The following OPCML variants were observed in gnomAD, a reference collection of about 807,000 sequenced individuals.
OPCML encodes the protein opioid binding protein/cell adhesion molecule like.
OPCML carries 13 observed loss-of-function variants against 37.8 expected under a neutral mutation model. The ratio of observed to expected loss-of-function variants is 0.34; its 90% CI spans 0.22 to 0.55. The LOEUF (loss-of-function observed/expected upper bound fraction) is 0.55, where lower values mean the gene tolerates loss of function less well. OPCML is among the 20% of genes least tolerant of loss of function. The pLI, the probability that OPCML is intolerant of heterozygous loss-of-function variation, is 0.91. For missense variants in OPCML, 341 were observed against 435.6 expected (o/e 0.78, Z 1.93); for synonymous variants, 176 against 168.8 (o/e 1.04, Z -0.33).
chr11:132,898,732 T>C (rs1410945795), intron 2 of OPCML, among the ~76,000 whole-genome samples: 7 of 152,110 alleles, frequency 4.6e-5, no homozygotes, highest in African/African-American at 1.7e-4. Context: ...TTGCTTCCTT[T>C]TCCCATGATT....
At chr11:133,367,660 C>A (rs1342676482) in intron 1 of OPCML, among the ~76,000 whole-genome samples, 1 of 152,194 alleles carries the variant, frequency 6.6e-6, no homozygotes, top group African/African-American at 2.4e-5. Context: ...CTAATAATAG[C>A]TCAATTTAGT....
chr11:132,952,644 C>G (rs1392869819), intron 1 of OPCML, among the ~76,000 whole-genome samples: 1 of 152,134 alleles, frequency 6.6e-6, no homozygotes, highest in Non-Finnish European at 1.5e-5. Flanking sequence ...TGGAAGGAAC[C>G]AACATTGTGC....
intron 7 of OPCML, among the ~76,000 whole-genome samples, chr11:132,434,580 C>T (rs557418280): frequency 1.3e-5 from 2 of 152,286 alleles, no homozygotes; most frequent in African/African-American, 4.8e-5. Context: ...CTCTTTAGTC[C>T]TCCTTTCACT....
intron 1 of OPCML, among the ~76,000 whole-genome samples, chr11:133,057,856 G>A (rs963449920): frequency 2.0e-5 from 3 of 152,282 alleles, no homozygotes; most frequent in Admixed American, 6.5e-5. Context: ...CTCCTGCAGT[G>A]CCAGAGACAA....
chr11:133,021,788 G>A lies in OPCML; in HGVS notation c.62-78778C>T, dbSNP rs1013642639. On this transcript the variant is annotated intron_variant, in intron 1 of 7. Transcript: ENST00000524381. The stretch of plus-strand genomic sequence containing the variant: ...GCTGGTCGAAAATAATCTGCACCCA[G>A]TGAGCACAGCAAATTAGCACACCCT... 1.9e-4 allele frequency among the ~76,000 whole-genome samples: 4 copies of A among 20,994 alleles called. No homozygotes were observed. In the Admixed American group the frequency reaches 3.3e-3, roughly 17 times the overall value. 13.8% of individuals were successfully genotyped at this position (20,994 alleles called of 152,430 possible). A position where few individuals can be genotyped will look rare whatever the true frequency, so the allele number is the denominator to read the frequency against.
chr11:133,200,271 T>G (rs1156828330), intron 1 of OPCML, among the ~76,000 whole-genome samples: 1 of 152,218 alleles, frequency 6.6e-6, no homozygotes, highest in Non-Finnish European at 1.5e-5. Context: ...ATTGGCACAC[T>G]GATTTCTACA....
intron 7 of OPCML, among the ~76,000 whole-genome samples, chr11:132,431,604 C>T (rs1274650395): frequency 4.6e-5 from 7 of 152,206 alleles, no homozygotes. Context: ...GATCACCTAC[C>T]ATGTTGTCAC....
At chr11:133,404,417 G>T in intron 1 of OPCML, among the ~76,000 whole-genome samples, 1 of 152,188 alleles carries the variant, frequency 6.6e-6, no homozygotes, top group East Asian at 1.9e-4. Context: ...AATGGGAAAA[G>T]GTGCCCTTTA....
intron 3 of OPCML, among the ~76,000 whole-genome samples, chr11:132,637,077 C>G (rs148091618): frequency 1.1e-4 from 17 of 151,916 alleles, no homozygotes; most frequent in African/African-American, 4.1e-4. Flanking sequence ...CTAGGTCAGG[C>G]GCATACTACC....
At chr11:132,436,375 T>C in intron 6 of OPCML, 138 bp from the exon 7 acceptor site, 1 of 1,552,332 alleles carries the variant, frequency 6.4e-7, no homozygotes, top group East Asian at 2.3e-5. Context: ...AGAAGGGAAA[T>C]GATGCTCTTG....
intron 3 of OPCML, among the ~76,000 whole-genome samples, chr11:132,649,333 T>C (rs1389847617): frequency 6.6e-6 from 1 of 152,154 alleles, no homozygotes; most frequent in Non-Finnish European, 1.5e-5. Context: ...CACAATGTCA[T>C]GAAAGGTCAC....
chr11:132,797,533 G>A (rs1039583758), intron 2 of OPCML, among the ~76,000 whole-genome samples: 3 of 152,232 alleles, frequency 2.0e-5, no homozygotes, highest in South Asian at 4.1e-4. Context: ...ACTATAAAGC[G>A]AGTCATATAA....
At chr11:133,140,873 A>ACGACGAAGG (rs1565468279) in intron 1 of OPCML, among the ~76,000 whole-genome samples, 10 of 50,036 alleles carry the variant, frequency 2.0e-4, no homozygotes, top group South Asian at 8.2e-4. Context: ...GACGACGACG[A>ACGACGAAGG]AGAAGACGAC....
intron 1 of OPCML, among the ~76,000 whole-genome samples, chr11:133,289,451 C>T (rs1413354978): frequency 6.6e-6 from 1 of 151,414 alleles, no homozygotes; most frequent in Non-Finnish European, 1.5e-5. Flanking sequence ...AAAAATTAGC[C>T]GGGCGTAGTG....
intron 1 of OPCML, among the ~76,000 whole-genome samples, chr11:133,178,427 T>C (rs1937655383): frequency 6.6e-6 from 1 of 151,932 alleles, no homozygotes; most frequent in Non-Finnish European, 1.5e-5. Flanking sequence ...GAAGGTCACT[T>C]TTCAAATATG....
intron 1 of OPCML, among the ~76,000 whole-genome samples, chr11:133,086,026 A>AACT: frequency 6.6e-6 from 1 of 152,336 alleles, no homozygotes; most frequent in East Asian, 1.9e-4. Flanking sequence ...GAGGACAGTT[A>AACT]ATGATCCCTC....
intron 1 of OPCML, among the ~76,000 whole-genome samples, chr11:133,194,833 T>A (rs1938473883): frequency 1.3e-5 from 2 of 152,196 alleles, no homozygotes. Context: ...GTAATGCCCC[T>A]GAATCTCTCC....
chr11:132,483,329 G>C (rs2096187625), intron 4 of OPCML, among the ~76,000 whole-genome samples: 2 of 151,506 alleles, frequency 1.3e-5, no homozygotes, highest in Admixed American at 1.3e-4. Flanking sequence ...GCTTGAAAGA[G>C]AATAAAATAC....
At chr11:133,476,631 C>T (rs1048901566) in intron 1 of OPCML, among the ~76,000 whole-genome samples, 2 of 152,126 alleles carry the variant, frequency 1.3e-5, no homozygotes, top group South Asian at 2.1e-4. Context: ...GGCAATGCAG[C>T]AATGAACAAA....
Sources: allele counts gnomAD v4.1 joint callset (sites outside exome capture counted in the v4.1 genomes callset), GRCh38; gene constraint gnomAD v4.1.1; transcripts MANE v1.5; gene names NCBI Gene and HGNC (gene_info 2026-07-23, HGNC 2026-07-21).